Variants in PPP2R5C observed in about 807,000 individuals in gnomAD.
PPP2R5C encodes serine/threonine-protein phosphatase 2A 56 kDa regulatory subunit gamma isoform.
In PPP2R5C, 7 loss-of-function variants were observed where a neutral mutation model predicts 68.9. The ratio of observed to expected loss-of-function variants is 0.10; its 90% CI spans 0.06 to 0.19. The LOEUF is 0.19. Among genes scored for constraint, PPP2R5C ranks in the 10% least tolerant of loss-of-function variants. PPP2R5C has a pLI of 1.00. For missense variants in PPP2R5C, 348 were observed against 641.3 expected (o/e 0.54, Z 4.94); for synonymous variants, 210 against 222.2 (o/e 0.95, Z 0.49).
intron 1 of PPP2R5C, among the ~76,000 whole-genome samples, chr14:101,830,644 TG>T (rs1272956315): frequency 6.6e-6 from 1 of 152,192 alleles, no homozygotes; most frequent in Non-Finnish European, 1.5e-5. Flanking sequence ...ACTCTAGCAG[TG>T]GTACTTAGTT....
rs2044860274 is a variant in PPP2R5C at position 101,891,018 on chromosome 14, C to T, written c.689+722C>T. 6.6e-6 allele frequency among the ~76,000 whole-genome samples: 1 copy of T among 152,030 alleles called. No homozygotes were observed. The highest frequency in any genetic ancestry group is 2.1e-4 in the South Asian group (1 of 4,814). On this transcript the variant is annotated intron_variant, in intron 6 of 13. Transcript: ENST00000334743. The surrounding 1 kb of genome is among the most constrained non-coding windows in gnomAD (Gnocchi z 4.9). ...GAACTGCTGGCCTCAGGTGATCTGC[C>T]CGCCTCACCTCCCAAAGTGCTGAGA...
upstream of PPP2R5C, chr14:101,760,649 G>T (rs1018572242): frequency 2.2e-6 from 2 of 927,224 alleles, no homozygotes; most frequent in African/African-American, 3.8e-5. Flanking sequence ...AGAAACTGCG[G>T]AGGGCGGGAC....
Position 101,825,421 on chromosome 14 carries a change from G to A in PPP2R5C, c.94+15385G>A, listed in dbSNP as rs1406881074. ...CAGTTTTGAAAGGCCAAGATCATGG[G>A]TTTAAGATTTGAGACTTGGCCAAAA... On this transcript the variant is annotated intron_variant, in intron 1 of 13. Transcript: ENST00000334743. The surrounding 1 kb of genome is among the most constrained non-coding windows in gnomAD (Gnocchi z 4.0). Among the ~76,000 whole-genome samples the A allele has an allele frequency of 3.3e-5, 5 of 152,140 alleles. No homozygotes were observed. The highest frequency in any genetic ancestry group is 7.4e-5 in the Non-Finnish European group (5 of 68,014).
At chr14:101,826,303 A>G (rs1044679499) in intron 1 of PPP2R5C, among the ~76,000 whole-genome samples, 1 of 152,050 alleles carries the variant, frequency 6.6e-6, no homozygotes, top group Non-Finnish European at 1.5e-5. Flanking sequence ...GTTCCATTTC[A>G]TGTTAGTTTT....
At chr14:101,908,836 T>C (rs2046218073) in intron 10 of PPP2R5C, among the ~76,000 whole-genome samples, 1 of 152,230 alleles carries the variant, frequency 6.6e-6, no homozygotes, top group Non-Finnish European at 1.5e-5. Context: ...TTTAAGTGTT[T>C]TCTAAGTACA....
chr14:101,818,685 G>A (rs1034131913), intron 1 of PPP2R5C: 5 of 223,326 alleles, frequency 2.2e-5, no homozygotes, highest in Non-Finnish European at 3.7e-5. Flanking sequence ...AAATAGGGTG[G>A]CTTTCCGTGT....
intron 3 of PPP2R5C, among the ~76,000 whole-genome samples, chr14:101,788,683 T>C (rs78224278): frequency 6.6e-6 from 1 of 152,350 alleles, no homozygotes; most frequent in East Asian, 1.9e-4. Context: ...ATCAAGCCAG[T>C]TCCCCTCACT....
intron 2 of PPP2R5C, among the ~76,000 whole-genome samples, chr14:101,768,641 C>T (rs1279118235): frequency 6.6e-6 from 1 of 151,962 alleles, no homozygotes; most frequent in Non-Finnish European, 1.5e-5. Flanking sequence ...GTATGTGTAG[C>T]CTGTGAAAAA....
At chr14:101,870,839 C>T (rs1223241456) in intron 2 of PPP2R5C, among the ~76,000 whole-genome samples, 1 of 152,158 alleles carries the variant, frequency 6.6e-6, no homozygotes, top group East Asian at 1.9e-4. Context: ...TAAATATCTT[C>T]TTAGACTCGT....
chr14:101,890,483 T>G (rs2044797300), intron 6 of PPP2R5C, among the ~76,000 whole-genome samples, 187 bp downstream of exon 8: 1 of 152,152 alleles, frequency 6.6e-6, no homozygotes, highest in Non-Finnish European at 1.5e-5. Context: ...AAATGACAAA[T>G]CTCTCCCATT....
intron 2 of PPP2R5C, among the ~76,000 whole-genome samples, chr14:101,864,070 A>G (rs542429549): frequency 6.6e-6 from 1 of 152,210 alleles, no homozygotes; most frequent in East Asian, 1.9e-4. Context: ...TTGGATCGTC[A>G]GTTCCCCCAG....
intron 1 of PPP2R5C, among the ~76,000 whole-genome samples, chr14:101,841,037 A>T (rs555830842): frequency 6.6e-6 from 1 of 152,304 alleles, no homozygotes; most frequent in African/African-American, 2.4e-5. Flanking sequence ...TATTGAGGAC[A>T]TGCTATATTT....
chr14:101,919,495 A>T (rs1480305834), intron 13 of PPP2R5C, among the ~76,000 whole-genome samples: 3 of 152,072 alleles, frequency 2.0e-5, no homozygotes, highest in Non-Finnish European at 4.4e-5. Context: ...CAGGAATTTA[A>T]GGTTGCCTTT....
rs1269523566 is a variant in PPP2R5C, at chr14:101,825,870, T to C, written c.94+15834T>C. Among the ~76,000 whole-genome samples, 1 of 152,096 alleles carries C rather than the reference T, an allele frequency of 6.6e-6. No homozygotes were observed. The highest frequency in any genetic ancestry group is 2.4e-5 in the African/African-American group (1 of 41,398). Reference sequence around the variant, plus strand: ...AAGGTAGGACCTCATGGCTTTGGTTTTTCTGGTGGTCCAAGAGAGGAGGCC... The same window carrying C: ...AAGGTAGGACCTCATGGCTTTGGTTCTTCTGGTGGTCCAAGAGAGGAGGCC... On this transcript the variant is annotated intron_variant, in intron 1 of 13. Transcript: ENST00000334743. This position sits in a 1 kb window ranked among gnomAD's most constrained non-coding sequence, Gnocchi z 4.0.
intron 8 of PPP2R5C, among the ~76,000 whole-genome samples, chr14:101,896,274 C>T (rs778386797): frequency 6.6e-6 from 1 of 152,070 alleles, no homozygotes; most frequent in East Asian, 2.0e-4. Flanking sequence ...CCCGCCTCAG[C>T]CTCCCAAAGT....
At chr14:101,765,226 C>A (rs1566818355) in intron 2 of PPP2R5C, 5 of 702,848 alleles carry the variant, frequency 7.1e-6, no homozygotes, top group Non-Finnish European at 1.3e-5. Flanking sequence ...GGGCCCTTCA[C>A]TGCTTCCTCA....
At chr14:101,811,858 T>A (rs76563889) in intron 1 of PPP2R5C, among the ~76,000 whole-genome samples, 1,985 of 152,232 alleles carry the variant, frequency 0.013, 41 homozygotes, top group African/African-American at 0.044. Flanking sequence ...TTGAACCACA[T>A]TGATTTTTTT....
chr14:101,767,552 T>C (rs2139946781), intron 2 of PPP2R5C, among the ~76,000 whole-genome samples: 1 of 152,318 alleles, frequency 6.6e-6, no homozygotes, highest in African/African-American at 2.4e-5. Flanking sequence ...ATGCCTTAGC[T>C]TCCATCAGTC....
At chr14:101,922,222 C>T (rs1329120921) in intron 13 of PPP2R5C, 2 of 977,878 alleles carry the variant, frequency 2.0e-6, no homozygotes, top group African/African-American at 1.8e-5. Flanking sequence ...GGCACAATGG[C>T]AGATGCCTGT....
Sources: allele counts gnomAD v4.1 joint callset (sites outside exome capture counted in the v4.1 genomes callset), GRCh38; gene constraint gnomAD v4.1.1; non-coding constraint Gnocchi (gnomAD v3.1); transcripts MANE v1.5; gene names NCBI Gene and HGNC (gene_info 2026-07-23, HGNC 2026-07-21).